TTC7A: variants seen among roughly 807,000 people sequenced by gnomAD.
TTC7A encodes the protein tetratricopeptide repeat protein 7A.
Under a neutral mutation model 103.7 loss-of-function variants are expected in TTC7A, and 110 were observed. The ratio of observed to expected loss-of-function variants is 1.06; its 90% CI spans 0.91 to 1.24. The LOEUF (loss-of-function observed/expected upper bound fraction) is 1.24, where lower values mean the gene tolerates loss of function less well. Among genes scored for constraint, TTC7A ranks in the 50% most tolerant of loss-of-function variants. TTC7A has a pLI of 0.00. For synonymous variants in TTC7A, 521 were observed against 467.9 expected (o/e 1.11, Z -1.47); for missense variants, 1,340 against 1,116.3 (o/e 1.20, Z -2.86).
chr2:47,006,405 A>G (rs1233894076), intron 9 of TTC7A, among the ~76,000 whole-genome samples: 1 of 152,226 alleles, frequency 6.6e-6, no homozygotes, highest in African/African-American at 2.4e-5. Context: ...CTGTGAGATC[A>G]TTCACATGTT....
chr2:47,046,202 G>A lies in TTC7A; in HGVS notation c.1803-113G>A, dbSNP rs1682297392. 1.4e-5 allele frequency: 11 copies of A among 786,348 alleles called. No homozygotes were observed. In the South Asian group the frequency reaches 1.7e-4, roughly 12 times the overall value. The allele number at this position is 786,348 out of a possible 1,614,324, so 48.7% of individuals were successfully genotyped here. A position where few individuals can be genotyped will look rare whatever the true frequency, so the allele number is the denominator to read the frequency against. Reference sequence around the variant, plus strand: ...GAGGCTGCTGCCCTCATGGCACTCTGCTTTCTGCGAGTTAGGGAGGTGAGC... The same window carrying A: ...GAGGCTGCTGCCCTCATGGCACTCTACTTTCTGCGAGTTAGGGAGGTGAGC... On this transcript the variant is annotated intron_variant, in intron 15 of 19. Transcript: ENST00000319190.
intron 1 of TTC7A, among the ~76,000 whole-genome samples, chr2:46,946,316 C>T (rs1379516893): frequency 6.6e-6 from 1 of 152,196 alleles, no homozygotes; most frequent in Non-Finnish European, 1.5e-5. Context: ...TTCACCAGAA[C>T]TGGGATAGGT....
At chr2:46,980,157 G>T (rs1407802194) in intron 5 of TTC7A, among the ~76,000 whole-genome samples, 1 of 150,290 alleles carries the variant, frequency 6.7e-6, no homozygotes, top group Non-Finnish European at 1.5e-5. Context: ...TGTTGCATAT[G>T]GTACTTGTTT....
At chr2:46,917,108 C>T (rs1336368379) in intron 1 of TTC7A, 2 of 691,628 alleles carry the variant, frequency 2.9e-6, no homozygotes, top group Non-Finnish European at 2.6e-6. Context: ...TTCCCACCTT[C>T]ATCTGAGATT....
chr2:47,010,610 G>A (rs1169943385), intron 10 of TTC7A, among the ~76,000 whole-genome samples: 1 of 151,850 alleles, frequency 6.6e-6, no homozygotes, highest in Non-Finnish European at 1.5e-5. Flanking sequence ...GGCTCTGCCA[G>A]TTTAGAATAT....
chr2:46,994,249 A>G (rs2104386003), intron 6 of TTC7A, 108 bp from the exon 7 acceptor site: 3 of 1,360,866 alleles, frequency 2.2e-6, no homozygotes, highest in Middle Eastern at 2.6e-4. Flanking sequence ...AAAGGGCCGC[A>G]CATTGCAAGC....
chr2:47,073,698 A>G lies in TTC7A; in HGVS notation c.2356-4A>G. ...ACTCACCCTGCCCTGTGCTTCGTCC[A>G]CAGGGTCTGATGCTGAGTCGGCTGG... On this transcript the variant is annotated splice_polypyrimidine_tract_variant and splice_region_variant and intron_variant, in intron 19 of 19. Transcript: ENST00000319190. The G allele has an allele frequency of 6.2e-7, 1 of 1,613,758 alleles. No homozygotes were observed. Among genetic ancestry groups the G allele is most frequent in the African/African-American group, 1.3e-5 (1 of 75,058 alleles).
chr2:47,046,407 C>A lies in TTC7A; in HGVS notation c.1895C>A (p.Thr632Asn). The A allele has an allele frequency of 1.2e-6, 2 of 1,614,074 alleles. No homozygotes were observed. Among genetic ancestry groups the A allele is most frequent in the East Asian group, 2.2e-5 (1 of 44,880 alleles). Residue 632 changes from threonine to asparagine, a missense_variant, in exon 16 of 20, where the codon ACC becomes AAC. Coordinates refer to ENST00000319190, the MANE Select transcript of TTC7A (RefSeq NM_020458.4). ...TCRQVLRLWQ[T>N]LYSFSQLGGL... The stretch of plus-strand genomic sequence containing the variant: ...AGACAAGTGCTGAGGCTGTGGCAGA[C>A]CCTGTACAGCTTCTCCCAGCTGGGG...
chr2:47,024,386 G>A (rs374915022), intron 14 of TTC7A, 27 bp downstream of exon 14: 340 of 1,581,846 alleles, frequency 2.1e-4, no homozygotes, highest in African/African-American at 7.4e-4. Flanking sequence ...CCTAACCCCC[G>A]GGTCCTCGGG....
intron 4 of TTC7A, among the ~76,000 whole-genome samples, chr2:46,976,904 T>C (rs1025826049): frequency 6.6e-6 from 1 of 152,184 alleles, no homozygotes; most frequent in East Asian, 1.9e-4. Flanking sequence ...TCAGCAAATA[T>C]AGGACTTGAG....
intron 3 of TTC7A, 63 bp downstream of exon 3, chr2:46,957,070 C>T: frequency 6.3e-7 from 1 of 1,598,814 alleles, no homozygotes; most frequent in Non-Finnish European, 8.6e-7. Context: ...CTCTGACTCC[C>T]AGGGCCCTGC....
intron 8 of TTC7A, among the ~76,000 whole-genome samples, chr2:47,001,399 G>T (rs534273335): frequency 1.3e-5 from 2 of 152,318 alleles, no homozygotes; most frequent in African/African-American, 4.8e-5. Flanking sequence ...GAGGGAATGG[G>T]GGGTGGTTCA....
At position 46,982,161 on chromosome 2, in the gene TTC7A, C is replaced by G. The variant is rs368039643; in HGVS notation, c.764+3254C>G. 2.2e-4 allele frequency among the ~76,000 whole-genome samples: 33 copies of G among 152,232 alleles called. 1 individual carries two copies. The East Asian group carries it at 2.3e-3, about 11-fold the overall frequency. On this transcript the variant is annotated intron_variant, in intron 5 of 19. Transcript: ENST00000319190. The stretch of plus-strand genomic sequence containing the variant: ...GCTGAGGTGGGAGGATCGCTTGAGT[C>G]CAGGAGTTTGAGGCCAGCCTGGGCA...
At chr2:46,972,260 A>G (rs141499870) in intron 3 of TTC7A, among the ~76,000 whole-genome samples, 1 of 150,864 alleles carries the variant, frequency 6.6e-6, no homozygotes, top group East Asian at 1.9e-4. Flanking sequence ...ATTTCTAGTA[A>G]GGCTAACAAT....
At chr2:47,040,147 G>C (rs111667426) in intron 15 of TTC7A, among the ~76,000 whole-genome samples, 1 of 152,194 alleles carries the variant, frequency 6.6e-6, no homozygotes, top group East Asian at 1.9e-4. Context: ...GCATCCTGAC[G>C]AGGGCATAAG....
Position 46,995,153 on chromosome 2 carries a change from A to G in TTC7A, c.1019A>G (p.Asp340Gly). The change falls in exon 8 of 20, where the codon GAC becomes GGC. Residue 340 changes from aspartate (D) to glycine (G), a missense_variant. Asp to Gly is a moderately conservative substitution (Grantham distance 94). Coordinates refer to ENST00000319190, the MANE Select transcript of TTC7A (RefSeq NM_020458.4). ...YEGDNLYCPK[D>G]NIEEALLLLL... Reference sequence around the variant, plus strand: ...TCTTTCAGCCTCTACTGCCCCAAGGACAACATCGAGGAAGCCCTCCTGCTC... The same window carrying G: ...TCTTTCAGCCTCTACTGCCCCAAGGGCAACATCGAGGAAGCCCTCCTGCTC... The G allele has an allele frequency of 6.2e-7, 1 of 1,614,126 alleles. No homozygotes were observed. The highest frequency in any genetic ancestry group is 8.5e-7 in the Non-Finnish European group (1 of 1,180,010).
At chr2:47,051,460 C>T (rs555099461) in intron 17 of TTC7A, among the ~76,000 whole-genome samples, 13 of 152,320 alleles carry the variant, frequency 8.5e-5, no homozygotes, top group African/African-American at 2.9e-4. Context: ...CTGTTGTGTT[C>T]ACGTAAAGAG....
chr2:46,989,253 T>C (rs1222845979), intron 5 of TTC7A, among the ~76,000 whole-genome samples: 1 of 152,228 alleles, frequency 6.6e-6, no homozygotes, highest in Non-Finnish European at 1.5e-5. Flanking sequence ...CTTCCTGGCT[T>C]CTCCCCACGC....
At position 46,994,040 on chromosome 2, in the gene TTC7A, G is replaced by A. The variant is rs77503845; in HGVS notation, c.844-317G>A. On this transcript the variant is annotated intron_variant, in intron 6 of 19. Transcript: ENST00000319190. ...CATTATGCTCTTCCCAATACTGCAA[G>A]GTCCTGCTGAATACTCAGAGTGGGG... Among the ~76,000 whole-genome samples the A allele has an allele frequency of 3.6e-3, 545 of 152,290 alleles. 2 individuals are homozygous for A. Among genetic ancestry groups the A allele is most frequent in the African/African-American group, 0.012 (519 of 41,564 alleles).
Sources: allele counts gnomAD v4.1 joint callset (sites outside exome capture counted in the v4.1 genomes callset), GRCh38; gene constraint gnomAD v4.1.1; transcripts MANE v1.5; gene names NCBI Gene and HGNC (gene_info 2026-07-23, HGNC 2026-07-21).